Variants in SLC24A3 observed in about 807,000 individuals in gnomAD.
The protein encoded by SLC24A3 is solute carrier family 24 member 3.
In SLC24A3, 28 loss-of-function variants were observed where a neutral mutation model predicts 75.8. The observed-to-expected ratio is 0.37, with a 90% CI of 0.27 to 0.51. SLC24A3 has a LOEUF of 0.51. Ranked by LOEUF, SLC24A3 falls within the 20% of genes least tolerant of loss-of-function variation. SLC24A3 has a pLI of 0.94. For missense variants in SLC24A3, 663 were observed against 847.8 expected (o/e 0.78, Z 2.71); for synonymous variants, 372 against 334.1 (o/e 1.11, Z -1.24).
At chr20:19,314,454 A>G (rs976691131) in intron 2 of SLC24A3, among the ~76,000 whole-genome samples, 3 of 151,932 alleles carry the variant, frequency 2.0e-5, no homozygotes, top group Non-Finnish European at 2.9e-5. Context: ...AGCTGGGGCT[A>G]CAGGCATGCA....
intron 3 of SLC24A3, among the ~76,000 whole-genome samples, chr20:19,577,622 A>G (rs1600287331): frequency 6.6e-6 from 1 of 152,250 alleles, no homozygotes; most frequent in Non-Finnish European, 1.5e-5. Flanking sequence ...TGAGAGAGAA[A>G]TGTAGCCACT....
chr20:19,606,335 G>C (rs1054734339), intron 6 of SLC24A3, among the ~76,000 whole-genome samples: 1 of 152,188 alleles, frequency 6.6e-6, no homozygotes, highest in Non-Finnish European at 1.5e-5. Flanking sequence ...TTTATGGCAG[G>C]AATGATTCTG....
At chr20:19,449,178 C>T (rs977433897) in intron 2 of SLC24A3, among the ~76,000 whole-genome samples, 12 of 151,528 alleles carry the variant, frequency 7.9e-5, no homozygotes, top group African/African-American at 2.5e-4. Flanking sequence ...TACGTCTCTG[C>T]AGTGGTGGCT....
chr20:19,378,275 C>T (rs1206140802), intron 2 of SLC24A3, among the ~76,000 whole-genome samples: 3 of 150,928 alleles, frequency 2.0e-5, no homozygotes, highest in East Asian at 2.0e-4. Context: ...GCTTGGCCTA[C>T]GTAGAGGTTT....
At chr20:19,557,174 C>A (rs1228239650) in intron 3 of SLC24A3, among the ~76,000 whole-genome samples, 1 of 152,166 alleles carries the variant, frequency 6.6e-6, no homozygotes, top group Non-Finnish European at 1.5e-5. Flanking sequence ...CTTGACTTTT[C>A]TATGGCTTTT....
chr20:19,340,800 T>C (rs1225400399), intron 2 of SLC24A3, among the ~76,000 whole-genome samples: 1 of 152,182 alleles, frequency 6.6e-6, no homozygotes, highest in East Asian at 1.9e-4. Flanking sequence ...AAAATGGTAA[T>C]ATGAAAAGTA....
chr20:19,525,243 T>C (rs1281148199), intron 3 of SLC24A3, among the ~76,000 whole-genome samples: 1 of 152,162 alleles, frequency 6.6e-6, no homozygotes, highest in Non-Finnish European at 1.5e-5. Context: ...ATGCAGAGTG[T>C]TCTGCAGCCA....
chr20:19,508,651 C>T (rs2122550322), intron 2 of SLC24A3, among the ~76,000 whole-genome samples: 1 of 152,302 alleles, frequency 6.6e-6, no homozygotes, highest in Admixed American at 6.5e-5. Flanking sequence ...CCACTCAGGT[C>T]CCTGTGGTTT....
chr20:19,593,782 G>A (rs1254890731), intron 6 of SLC24A3, among the ~76,000 whole-genome samples: 1 of 152,186 alleles, frequency 6.6e-6, no homozygotes, highest in Non-Finnish European at 1.5e-5. Flanking sequence ...TCACAGCTCA[G>A]TGCCCTCTTA....
intron 3 of SLC24A3, among the ~76,000 whole-genome samples, chr20:19,562,194 A>G (rs1015375534): frequency 1.3e-5 from 2 of 152,154 alleles, no homozygotes; most frequent in African/African-American, 4.8e-5. Flanking sequence ...CTTTGTAGTC[A>G]TGGCTCCTAA....
At chr20:19,691,928 C>A (rs1195448242) in intron 12 of SLC24A3, among the ~76,000 whole-genome samples, 1 of 152,090 alleles carries the variant, frequency 6.6e-6, no homozygotes, top group Non-Finnish European at 1.5e-5. Context: ...AGAGCAGGGA[C>A]CGGAGCCCAG....
intron 3 of SLC24A3, among the ~76,000 whole-genome samples, chr20:19,534,200 T>C (rs942995): frequency 0.97 from 147,111 of 152,358 alleles, 71,255 homozygotes; most frequent in East Asian, 1. Context: ...TGCCGTGTGG[T>C]TTGTCTACTC....
chr20:19,706,233 A>G (rs1232686045), intron 15 of SLC24A3, among the ~76,000 whole-genome samples: 1 of 152,202 alleles, frequency 6.6e-6, no homozygotes, highest in African/African-American at 2.4e-5. Flanking sequence ...TTGAGTGCCT[A>G]CTATGTGCTA....
At chr20:19,407,266 G>A (rs1056272163) in intron 2 of SLC24A3, among the ~76,000 whole-genome samples, 5 of 152,208 alleles carry the variant, frequency 3.3e-5, no homozygotes, top group Non-Finnish European at 5.9e-5. Flanking sequence ...GCACTAAGAG[G>A]ATGGCGGTAG....
At chr20:19,570,764 G>T (rs1007268565) in intron 3 of SLC24A3, among the ~76,000 whole-genome samples, 2 of 152,124 alleles carry the variant, frequency 1.3e-5, no homozygotes, top group African/African-American at 4.8e-5. Flanking sequence ...CCCAGGTTTT[G>T]CCAGTATTAC....
chr20:19,244,596 C>A (rs184284263), intron 1 of SLC24A3, among the ~76,000 whole-genome samples: 1 of 152,086 alleles, frequency 6.6e-6, no homozygotes, highest in African/African-American at 2.4e-5. Context: ...GAGAAGGCAG[C>A]GGCAGGCCGG....
intron 1 of SLC24A3, among the ~76,000 whole-genome samples, chr20:19,221,783 T>A (rs553480142): frequency 3.5e-4 from 54 of 152,316 alleles, no homozygotes; most frequent in Non-Finnish European, 1.5e-5. Context: ...TTGCTCCTAA[T>A]GGTCTATTTT....
At chr20:19,397,912 A>G (rs2122399261) in intron 2 of SLC24A3, among the ~76,000 whole-genome samples, 1 of 152,266 alleles carries the variant, frequency 6.6e-6, no homozygotes, top group South Asian at 2.1e-4. Context: ...AAAGCTGACT[A>G]TTCGTCTGCC....
At chr20:19,609,954 C>A (rs1257229908) in intron 6 of SLC24A3, among the ~76,000 whole-genome samples, 2 of 97,038 alleles carry the variant, frequency 2.1e-5, no homozygotes, top group African/African-American at 5.2e-5. Flanking sequence ...TAGGTTTAAC[C>A]ACAAATCCTC....
Sources: allele counts gnomAD v4.1 joint callset (sites outside exome capture counted in the v4.1 genomes callset), GRCh38; gene constraint gnomAD v4.1.1; transcripts MANE v1.5; gene names NCBI Gene and HGNC (gene_info 2026-07-23, HGNC 2026-07-21).